Variants in RBFOX1 observed in about 807,000 individuals in gnomAD.
The protein encoded by RBFOX1 is RNA binding protein fox-1 homolog 1.
In RBFOX1, 8 loss-of-function variants were observed where a neutral mutation model predicts 57.7. The ratio of observed to expected loss-of-function variants is 0.14; its 90% CI spans 0.08 to 0.25. RBFOX1 has a LOEUF of 0.25. Among genes scored for constraint, RBFOX1 ranks in the 10% least tolerant of loss-of-function variants. The probability of loss-of-function intolerance (pLI) is 1.00; values close to 1 mark genes in which losing one functional copy is unlikely to be tolerated. For synonymous variants in RBFOX1, 326 were observed against 222.4 expected, an observed-to-expected ratio of 1.47 and a Z score of -4.15; for missense variants, 611 against 548.5, an observed-to-expected ratio of 1.11 and a Z score of -1.14.
intron 1 of RBFOX1, among the ~76,000 whole-genome samples, chr16:6,146,742 T>G (rs533221118): frequency 6.6e-6 from 1 of 152,352 alleles, no homozygotes; most frequent in South Asian, 2.1e-4. Flanking sequence ...TGCTGTTCAT[T>G]ATACCTTTAC....
At chr16:6,681,189 G>A (rs1227693818) in intron 3 of RBFOX1, among the ~76,000 whole-genome samples, 1 of 152,142 alleles carries the variant, frequency 6.6e-6, no homozygotes, top group African/African-American at 2.4e-5. Context: ...GCACGTGCCT[G>A]TAGTCCCAGT....
intron 2 of RBFOX1, among the ~76,000 whole-genome samples, chr16:6,350,562 G>C (rs951210253): frequency 1.4e-5 from 2 of 145,452 alleles, no homozygotes; most frequent in African/African-American, 5.1e-5. Context: ...TTTAGGGAAT[G>C]TTTATTTAAC....
At chr16:6,842,080 T>C (rs2093497328) in intron 3 of RBFOX1, among the ~76,000 whole-genome samples, 1 of 151,650 alleles carries the variant, frequency 6.6e-6, no homozygotes, top group African/African-American at 2.4e-5. Flanking sequence ...GAGGCGGAAC[T>C]TGCAGTGAGC....
intron 3 of RBFOX1, among the ~76,000 whole-genome samples, chr16:6,670,024 T>C (rs1026240410): frequency 6.6e-6 from 1 of 152,162 alleles, no homozygotes; most frequent in Non-Finnish European, 1.5e-5. Context: ...TATCTATCTG[T>C]CTATCTCTAT....
intron 1 of RBFOX1, among the ~76,000 whole-genome samples, chr16:5,410,788 A>G (rs533873070): frequency 2.6e-5 from 4 of 152,320 alleles, no homozygotes; most frequent in Admixed American, 2.6e-4. Flanking sequence ...TCTGACTTTA[A>G]AATTCTTTCC....
At chr16:7,285,620 G>A (rs192817473) in intron 4 of RBFOX1, among the ~76,000 whole-genome samples, 2 of 150,988 alleles carry the variant, frequency 1.3e-5, no homozygotes, top group East Asian at 3.9e-4. Context: ...TTCAAGAAAT[G>A]GACCCATATA....
Position 5,599,052 on chromosome 16 carries a change from G to T in RBFOX1, c.409G>T (p.Glu137Ter). The change falls in exon 3 of 3, where the codon GAA becomes TAA. Residue 137 changes from glutamate (E) to a stop codon, truncating the protein, a stop_gained. Coordinates refer to the RBFOX1 transcript ENST00000585867. LOFTEE classifies it low-confidence loss of function (END_TRUNC). ...TTTGGTCTCCGTCATCAATCACCGG[G>T]AATGGTTTTTACCTGAAACTGATCT... 1 of 1,199,476 alleles carries T rather than the reference G, an allele frequency of 8.3e-7. No homozygotes were observed. The highest frequency in any genetic ancestry group is 1.3e-5 in the South Asian group (1 of 77,282). The allele number at this position is 1,199,476 out of a possible 1,614,324, so 74.3% of individuals were successfully genotyped here.
At chr16:5,729,591 C>A (rs1264827785) in intron 3 of RBFOX1, among the ~76,000 whole-genome samples, 1 of 151,748 alleles carries the variant, frequency 6.6e-6, no homozygotes, top group African/African-American at 2.4e-5. Context: ...TCCAGGGTAC[C>A]CAAGATAATT....
chr16:7,544,869 T>C (rs562719933), intron 5 of RBFOX1, among the ~76,000 whole-genome samples: 5 of 152,232 alleles, frequency 3.3e-5, no homozygotes, highest in Admixed American at 6.5e-5. Flanking sequence ...TTACCAATTC[T>C]GGACATACTG....
At chr16:6,079,729 A>T (rs1014683761) in intron 1 of RBFOX1, among the ~76,000 whole-genome samples, 1 of 152,128 alleles carries the variant, frequency 6.6e-6, no homozygotes, top group African/African-American at 2.4e-5. Context: ...CTAGCTACTC[A>T]GAAGGCTGAG....
chr16:5,776,741 A>G (rs1424282118), intron 3 of RBFOX1, among the ~76,000 whole-genome samples: 1 of 152,226 alleles, frequency 6.6e-6, no homozygotes, highest in East Asian at 1.9e-4. Context: ...ACCCACAGTG[A>G]TGAACACCTT....
At chr16:7,433,365 T>A (rs1436529384) in intron 4 of RBFOX1, among the ~76,000 whole-genome samples, 1 of 152,186 alleles carries the variant, frequency 6.6e-6, no homozygotes, top group Non-Finnish European at 1.5e-5. Context: ...CACTGATACT[T>A]TTTCTCCTCC....
chr16:5,330,812 A>G (rs1390618466), intron 1 of RBFOX1, among the ~76,000 whole-genome samples: 3 of 151,928 alleles, frequency 2.0e-5, no homozygotes, highest in Non-Finnish European at 4.4e-5. Flanking sequence ...TGGAGAGGAA[A>G]AGTCCCCAAA....
rs1301078044 is a variant in RBFOX1, at chr16:5,618,326, CAG to C, written c.318+19367_318+19368del. ...TCCAATCATATACAGGAGATGGCTGCAGATTTTTTTTTTTTGTGTGTGTGTGT... is the reference window on the plus strand; with the variant it reads ...TCCAATCATATACAGGAGATGGCTGCATTTTTTTTTTTTGTGTGTGTGTGT... On this transcript the variant is annotated intron_variant, in intron 3 of 19. Transcript: ENST00000641259. Among the ~76,000 whole-genome samples, 8 of 77,150 alleles carry C rather than the reference CAG, an allele frequency of 1.0e-4. No individual in the cohort carries two copies. In the East Asian group the frequency reaches 4.2e-3, roughly 41 times the overall value. The allele number at this position is 77,150 out of a possible 152,430, so 50.6% of individuals were successfully genotyped here.
At chr16:6,904,864 A>T (rs2069427546) in intron 3 of RBFOX1, among the ~76,000 whole-genome samples, 1 of 152,052 alleles carries the variant, frequency 6.6e-6, no homozygotes. Flanking sequence ...GCGTTGGGTG[A>T]AGTTTCTCTC....
chr16:6,666,308 C>T lies in RBFOX1; in HGVS notation c.-16+11658C>T, dbSNP rs75652256. On this transcript the variant is annotated intron_variant, in intron 3 of 15. Coordinates refer to ENST00000550418, the MANE Select transcript of RBFOX1 (RefSeq NM_018723.4). ...CAGCACTTTGGGAGGCTTAGGCGGG[C>T]GGATCACCTGAGGTCAGGAGTTTGA... is the stretch of plus-strand genomic sequence containing the variant. 1.5e-3 allele frequency among the ~76,000 whole-genome samples: 221 copies of T among 152,162 alleles called. 1 individual carries two copies. The highest frequency in any genetic ancestry group is 5.1e-3 in the African/African-American group (212 of 41,524).
chr16:7,034,527 G>T (rs1166402349), intron 3 of RBFOX1, among the ~76,000 whole-genome samples: 1 of 152,116 alleles, frequency 6.6e-6, no homozygotes, highest in African/African-American at 2.4e-5. Context: ...AGATGGATGG[G>T]AAGTGGGAAG....
chr16:6,139,607 C>A (rs1231750394), intron 1 of RBFOX1, among the ~76,000 whole-genome samples: 1 of 152,212 alleles, frequency 6.6e-6, no homozygotes, highest in African/African-American at 2.4e-5. Context: ...AGTTATCCCC[C>A]AAATTGTCAG....
At chr16:7,193,986 T>C (rs553679161) in intron 4 of RBFOX1, among the ~76,000 whole-genome samples, 1 of 152,086 alleles carries the variant, frequency 6.6e-6, no homozygotes, top group Non-Finnish European at 1.5e-5. Context: ...CTAAAAATAG[T>C]CTTTCCCAAG....
Sources: allele counts gnomAD v4.1 joint callset (sites outside exome capture counted in the v4.1 genomes callset), GRCh38; gene constraint gnomAD v4.1.1; transcripts MANE v1.5; gene names NCBI Gene and HGNC (gene_info 2026-07-23, HGNC 2026-07-21).